LRRC4C: variants seen among roughly 807,000 people sequenced by gnomAD.
LRRC4C encodes leucine-rich repeat-containing protein 4C.
In LRRC4C, 5 loss-of-function variants were observed where a neutral mutation model predicts 33.6. The ratio of observed to expected loss-of-function variants is 0.15; its 90% confidence interval spans 0.08 to 0.31. The LOEUF is 0.31. Among genes scored for constraint, LRRC4C ranks in the 10% least tolerant of loss-of-function variants. LRRC4C has a pLI of 1.00. For synonymous variants in LRRC4C, 329 were observed against 302.0 expected (o/e 1.09, Z -0.93); for missense variants, 560 against 796.7 (o/e 0.70, Z 3.58).
intron 3 of LRRC4C, among the ~76,000 whole-genome samples, chr11:40,562,832 T>C (rs1046448851): frequency 6.6e-6 from 1 of 152,182 alleles, no homozygotes; most frequent in Non-Finnish European, 1.5e-5. Flanking sequence ...TTTCACTTTC[T>C]GCAACGGCTC....
chr11:41,053,117 G>A (rs1350917), intron 1 of LRRC4C, among the ~76,000 whole-genome samples: 54,117 of 152,098 alleles, frequency 0.36, 10,763 homozygotes, highest in South Asian at 0.45. Context: ...GACTCCCAAT[G>A]ATTTCTCTCT....
At chr11:41,430,763 A>G (rs1305820731) in intron 1 of LRRC4C, among the ~76,000 whole-genome samples, 2 of 152,116 alleles carry the variant, frequency 1.3e-5, no homozygotes, top group Non-Finnish European at 2.9e-5. Context: ...TGTTATTGTA[A>G]AACACTTTGA....
At chr11:40,946,693 G>A (rs1174501185) in intron 1 of LRRC4C, among the ~76,000 whole-genome samples, 6 of 152,036 alleles carry the variant, frequency 3.9e-5, no homozygotes, top group Admixed American at 6.6e-5. Flanking sequence ...TCTCTCTGAC[G>A]GTTAATGATG....
At chr11:40,228,091 C>G (rs539513224) in intron 5 of LRRC4C, among the ~76,000 whole-genome samples, 1 of 152,300 alleles carries the variant, frequency 6.6e-6, no homozygotes, top group South Asian at 2.1e-4. Context: ...CAGCCAGAAG[C>G]TTTTTCTCTT....
At chr11:41,042,980 GA>G (rs1477504319) in intron 1 of LRRC4C, among the ~76,000 whole-genome samples, 1 of 137,830 alleles carries the variant, frequency 7.3e-6, no homozygotes, top group Non-Finnish European at 1.5e-5. Context: ...GCATTCCAAT[GA>G]ACTACTGCCA....
chr11:40,303,652 A>G (rs1391979128), intron 4 of LRRC4C, among the ~76,000 whole-genome samples: 1 of 151,422 alleles, frequency 6.6e-6, no homozygotes, highest in Non-Finnish European at 1.5e-5. Flanking sequence ...TAATTTTACA[A>G]TTAAAACATT....
intron 5 of LRRC4C, among the ~76,000 whole-genome samples, chr11:40,170,359 T>G (rs928227720): frequency 9.8e-5 from 15 of 152,332 alleles, no homozygotes; most frequent in African/African-American, 3.1e-4. Context: ...AAGGAGGTCC[T>G]GTAAAGGGCT....
chr11:41,097,637 G>A (rs1486913072), intron 1 of LRRC4C, among the ~76,000 whole-genome samples: 17 of 152,106 alleles, frequency 1.1e-4, no homozygotes, highest in Admixed American at 8.5e-4. Context: ...CTACCCTATT[G>A]TAAGATACTA....
chr11:40,855,801 CTT>C (rs1953749903), intron 2 of LRRC4C, among the ~76,000 whole-genome samples: 1 of 151,928 alleles, frequency 6.6e-6, no homozygotes, highest in South Asian at 2.1e-4. Flanking sequence ...TTTTTATAAA[CTT>C]AACTTAAAGG....
intron 1 of LRRC4C, among the ~76,000 whole-genome samples, chr11:41,341,285 T>TA (rs932150058): frequency 2.0e-5 from 3 of 152,074 alleles, no homozygotes; most frequent in Non-Finnish European, 4.4e-5. Flanking sequence ...TGTTTTCGAT[T>TA]AAAAAAACTA....
At position 40,800,209 on chromosome 11, in the gene LRRC4C, T is replaced by C. The variant is rs756676254; in HGVS notation, c.-407+133426A>G. 5.9e-5 allele frequency among the ~76,000 whole-genome samples: 9 copies of C among 152,316 alleles called. No individual in the cohort carries two copies. The South Asian group carries it at 1.7e-3, about 28-fold the overall frequency. On this transcript the variant is annotated intron_variant, in intron 2 of 6. Transcript: ENST00000528697. ...GAGGGTGTCTTCACCTTACATCTGGTCCATGTGATGCAATGACTAAGAAAC... is the reference window on the plus strand; with the variant it reads ...GAGGGTGTCTTCACCTTACATCTGGCCCATGTGATGCAATGACTAAGAAAC...
In LRRC4C at chr11:40,114,391, A is replaced by C; in HGVS notation, c.1902T>G (p.Asn634Lys). 1 of 1,612,330 alleles carries C rather than the reference A, an allele frequency of 6.2e-7. No homozygotes were observed. Among genetic ancestry groups the C allele is most frequent in the Non-Finnish European group, 8.5e-7 (1 of 1,179,076 alleles). ...PLLIRMNSKD[N>K]VQETQI ...TGTTTTAGATTTGAGTCTCTTGTAC[A>C]TTGTCTTTAGAGTTCATTCGGATCA... Residue 634 changes from asparagine to lysine, a missense_variant, in exon 7 of 7, where the codon AAT (asparagine) becomes AAG (lysine). Asn to Lys is a moderately conservative substitution (Grantham distance 94). Transcript: ENST00000528697.
Position 41,004,642 on chromosome 11 carries a change from C to T in LRRC4C, c.-495-70919G>A, listed in dbSNP as rs888535713. 3.3e-5 allele frequency among the ~76,000 whole-genome samples: 5 copies of T among 152,234 alleles called. No individual in the cohort carries two copies. The South Asian group carries it at 8.3e-4, about 25-fold the overall frequency. ...TCACATCACCATGACCTACATAGCA[C>T]AGTAGTTGACTTATTGTAGGTAAAC... On this transcript the variant is annotated intron_variant, in intron 1 of 6. Transcript: ENST00000528697.
chr11:40,258,953 C>T (rs1867450357), intron 4 of LRRC4C, among the ~76,000 whole-genome samples: 1 of 152,154 alleles, frequency 6.6e-6, no homozygotes, highest in South Asian at 2.1e-4. Flanking sequence ...TGATAAATAG[C>T]TAAATGGCAT....
chr11:40,841,221 T>G (rs371375825), intron 2 of LRRC4C, among the ~76,000 whole-genome samples: 5 of 152,312 alleles, frequency 3.3e-5, no homozygotes, highest in African/African-American at 1.2e-4. Flanking sequence ...TAAGTCAAAA[T>G]CTATATACCT....
intron 1 of LRRC4C, among the ~76,000 whole-genome samples, chr11:41,016,664 C>A (rs1855603397): frequency 6.6e-6 from 1 of 151,554 alleles, no homozygotes; most frequent in Admixed American, 6.6e-5. Context: ...GATGTCAAGG[C>A]CATACTCTGG....
At chr11:40,825,940 T>TG (rs544490106) in intron 2 of LRRC4C, among the ~76,000 whole-genome samples, 847 of 26,782 alleles carry the variant, frequency 0.032, 1 homozygote, top group South Asian at 0.095. Context: ...TATTGTATTC[T>TG]GGGGGGGGGG....
intron 1 of LRRC4C, among the ~76,000 whole-genome samples, chr11:41,377,283 C>T (rs1054204383): frequency 2.6e-5 from 4 of 152,036 alleles, no homozygotes; most frequent in African/African-American, 9.7e-5. Flanking sequence ...AAATTGATAA[C>T]GAGATATACA....
chr11:40,861,358 A>C (rs779770996), intron 2 of LRRC4C, among the ~76,000 whole-genome samples: 44 of 152,216 alleles, frequency 2.9e-4, no homozygotes, highest in Non-Finnish European at 2.6e-4. Context: ...GCCTGGAAGG[A>C]GACCCCTTGA....
Sources: gnomAD v4.1 joint callset for allele counts (sites outside exome capture counted in the v4.1 genomes callset) on GRCh38, gnomAD v4.1.1 for gene constraint, MANE v1.5 for transcripts, NCBI Gene and HGNC (gene_info 2026-07-23, HGNC 2026-07-21) for gene names.